Variants in PLEKHD1 observed in about 807,000 individuals in gnomAD.
The protein encoded by PLEKHD1 is pleckstrin homology domain-containing family D member 1.
Under a neutral mutation model 69.2 loss-of-function variants are expected in PLEKHD1, and 51 were observed. The ratio of observed to expected loss-of-function variants is 0.74; its 90% confidence interval spans 0.59 to 0.93. The LOEUF is 0.93. Ranked by LOEUF, PLEKHD1 falls within the 40% of genes least tolerant of loss-of-function variation. PLEKHD1 has a pLI of 0.00. For missense variants in PLEKHD1, 584 were observed against 641.0 expected (o/e 0.91, Z 0.96); for synonymous variants, 236 against 244.7 (o/e 0.96, Z 0.33).
At chr14:69,487,580 C>G (rs1281554939) in intron 1 of PLEKHD1, among the ~76,000 whole-genome samples, 1 of 152,240 alleles carries the variant, frequency 6.6e-6, no homozygotes, top group Admixed American at 6.5e-5. Flanking sequence ...CAGGGTCTGT[C>G]TTAGGACCTG....
In PLEKHD1 at chr14:69,506,891, C is replaced by CTTTTTTTTT. The variant is rs1162412450; in HGVS notation, c.555+4032_555+4040dup. On this transcript the variant is annotated intron_variant, in intron 6 of 12. Transcript: ENST00000322564. ...ACTGTCCTAAAAATCCTGGCAACTGCTTTTTTTTTTTTTTTTTTTTTTTTT... is the reference window on the plus strand; with the variant it reads ...ACTGTCCTAAAAATCCTGGCAACTGCTTTTTTTTTTTTTTTTTTTTTTTTTTTTTTTTTT... 2.6e-3 allele frequency among the ~76,000 whole-genome samples: 200 copies of CTTTTTTTTT among 78,064 alleles called. 25 individuals carry two copies. Among genetic ancestry groups the CTTTTTTTTT allele is most frequent in the African/African-American group, 0.01 (176 of 17,436 alleles). 51.2% of individuals were successfully genotyped at this position (78,064 alleles called of 152,430 possible). A position where few individuals can be genotyped will look rare whatever the true frequency, so the allele number is the denominator to read the frequency against.
chr14:69,516,860 G>A (rs1883395255), intron 6 of PLEKHD1, among the ~76,000 whole-genome samples: 1 of 152,296 alleles, frequency 6.6e-6, no homozygotes, highest in Non-Finnish European at 1.5e-5. Context: ...TTGTAGAGAT[G>A]GGGTTTCACC....
rs1042768558 is a variant in PLEKHD1, at chr14:69,527,854, T to C, written c.1273T>C (p.Tyr425His). The C allele has an allele frequency of 6.4e-7, 1 of 1,551,458 alleles. No individual in the cohort carries two copies. The highest frequency in any genetic ancestry group is 8.7e-7 in the Non-Finnish European group (1 of 1,147,000). The part of the protein sequence containing the change: ...KMPVIMKNSV[Y>H]IHKAATRRIK... ...GCCTGTGATCATGAAGAACTCCGTG[T>C]ACATCCATAAGGCAGCCACTCGCCG... is the stretch of plus-strand genomic sequence containing the variant. The change falls in exon 12 of 13, where the codon TAC (tyrosine) becomes CAC (histidine). Residue 425 changes from tyrosine to histidine, a missense_variant. Tyr to His is a moderately conservative substitution (Grantham distance 83). Transcript: ENST00000322564.
At chr14:69,519,693 T>C (rs756590565) in intron 6 of PLEKHD1, among the ~76,000 whole-genome samples, 1 of 152,222 alleles carries the variant, frequency 6.6e-6, no homozygotes, top group Non-Finnish European at 1.5e-5. Flanking sequence ...TGGGTTTTAA[T>C]CATTGACCCT....
intron 1 of PLEKHD1, among the ~76,000 whole-genome samples, chr14:69,497,235 A>C (rs1156859264): frequency 6.6e-6 from 1 of 152,252 alleles, no homozygotes; most frequent in African/African-American, 2.4e-5. Context: ...ACTAAGGCTC[A>C]GAAAGGAAAG....
In PLEKHD1 at chr14:69,501,082, G is replaced by A. The variant is rs1003921221; in HGVS notation, c.410+135G>A. On this transcript the variant is annotated intron_variant, in intron 4 of 12. Transcript: ENST00000322564. ...GCTGTGGGAGATGGCTAGGGTAGGG[G>A]AGAGCAGACAGGCCAGGTTTTAGAG... 8 of 918,466 alleles carry A rather than the reference G, an allele frequency of 8.7e-6. No homozygotes were observed. In the East Asian group the frequency reaches 1.9e-4, roughly 21 times the overall value. The allele number at this position is 918,466 out of a possible 1,614,324, so 56.9% of individuals were successfully genotyped here.
At chr14:69,496,492 C>T (rs545617710) in intron 1 of PLEKHD1, among the ~76,000 whole-genome samples, 13 of 152,092 alleles carry the variant, frequency 8.5e-5, no homozygotes, top group Non-Finnish European at 1.0e-4. Context: ...TGTCCCCACA[C>T]GGTGGAGGAA....
chr14:69,503,280 T>C (rs1883070831), intron 6 of PLEKHD1: 1 of 229,466 alleles, frequency 4.4e-6, no homozygotes, highest in African/African-American at 2.3e-5. Flanking sequence ...TCCTTCATTC[T>C]CTGAATGTCA....
At chr14:69,468,834 G>T in the PLEKHD1 span, among the ~76,000 whole-genome samples, 1 of 152,268 alleles carries the variant, frequency 6.6e-6, no homozygotes, top group South Asian at 2.1e-4. Context: ...TCCTGCCATG[G>T]CTTCCCAAAG....
At chr14:69,476,434 A>G in the PLEKHD1 span, among the ~76,000 whole-genome samples, 1 of 151,714 alleles carries the variant, frequency 6.6e-6, no homozygotes, top group Non-Finnish European at 1.5e-5. Context: ...ACGTTTTGGC[A>G]TGTACCTGTA....
intron 10 of PLEKHD1, 105 bp downstream of exon 10, chr14:69,526,934 G>A: frequency 7.1e-7 from 1 of 1,416,512 alleles, no homozygotes; most frequent in South Asian, 1.5e-5. Flanking sequence ...CTGTCAGTCT[G>A]ACCAGACAGC....
chr14:69,485,179 C>T, intron 1 of PLEKHD1, 65 bp downstream of exon 1: 1 of 1,495,592 alleles, frequency 6.7e-7, no homozygotes, highest in Non-Finnish European at 9.0e-7. Context: ...TTACCCCTCC[C>T]ACCCCCTCCA....
the PLEKHD1 span, among the ~76,000 whole-genome samples, chr14:69,471,311 A>G: frequency 6.6e-6 from 1 of 150,978 alleles, no homozygotes; most frequent in Non-Finnish European, 1.5e-5. Context: ...GGGTCTCCCT[A>G]TGTCGCCTAG....
upstream of PLEKHD1, among the ~76,000 whole-genome samples, chr14:69,479,987 T>A (rs182504943): frequency 1.3e-5 from 2 of 152,268 alleles, no homozygotes; most frequent in African/African-American, 2.4e-5. Context: ...ACAAACCGAT[T>A]CAGTAAGCAT....
In PLEKHD1 at chr14:69,484,790, C is replaced by T. The variant is rs935111827; in HGVS notation, c.-176C>T. ...GCCGCCGGCTACGCGCCCTGCGCCC[C>T]CTTGGTGCCGCGTCCAGTGCCCAGC... On this transcript the variant is annotated 5_prime_UTR_variant, in exon 1 of 13. Coordinates refer to ENST00000322564, the MANE Select transcript of PLEKHD1 (RefSeq NM_001161498.2). 2.3e-5 allele frequency: 16 copies of T among 689,188 alleles called. No homozygotes were observed. Among genetic ancestry groups the T allele is most frequent in the Non-Finnish European group, 3.7e-5 (16 of 437,038 alleles). The allele number at this position is 689,188 out of a possible 1,614,324, so 42.7% of individuals were successfully genotyped here.
chr14:69,527,265 G>C lies in PLEKHD1; in HGVS notation c.1134G>C (p.Gly378=). Residue 378 remains glycine, a synonymous_variant, in exon 11 of 13, where the codon GGG becomes GGC. Coordinates refer to ENST00000322564, the MANE Select transcript of PLEKHD1 (RefSeq NM_001161498.2). ...GGGCCTTGCGAAGCCTGGAACAGGG[G>C]CTGAATTCCAAGGTGCGGAATAAGG... ...AEGALRSLEQ[G]LNSKVRNKEK... is the part of the protein sequence containing the mutation. The C allele has an allele frequency of 2.6e-6, 4 of 1,551,834 alleles. No homozygotes were observed. The highest frequency in any genetic ancestry group is 2.4e-5 in the East Asian group (1 of 40,918).
Position 69,500,822 on chromosome 14 carries a change from C to T in PLEKHD1, c.334-49C>T, listed in dbSNP as rs1266066267. 3.2e-6 allele frequency: 5 copies of T among 1,548,012 alleles called. No individual in the cohort carries two copies. The South Asian group carries it at 4.8e-5, about 15-fold the overall frequency. On this transcript the variant is annotated intron_variant, in intron 3 of 12. Transcript: ENST00000322564. ...AGGGCAGAGCTGGGCCTCCATCACC[C>T]TCAGCGTGGCTGCCTCTCAGGCATG... is the stretch of plus-strand genomic sequence containing the variant.
chr14:69,468,073 A>G, the PLEKHD1 span, among the ~76,000 whole-genome samples: 1 of 152,238 alleles, frequency 6.6e-6, no homozygotes, highest in African/African-American at 2.4e-5. Context: ...GAATGTCAGT[A>G]GGCCAAGAAA....
Position 69,501,894 on chromosome 14 carries a change from G to A in PLEKHD1, c.502+69G>A, listed in dbSNP as rs570048574. ...ACCAGGGGCTATAGCCAGGGGCTTG[G>A]TAAAGGATGCAGCAGGGATGAGGGT... is the stretch of plus-strand genomic sequence containing the variant. On this transcript the variant is annotated intron_variant, in intron 5 of 12. Coordinates refer to ENST00000322564, the MANE Select transcript of PLEKHD1 (RefSeq NM_001161498.2). The A allele has an allele frequency of 6.4e-5, 87 of 1,364,818 alleles. No homozygotes were observed. In the African/African-American group the frequency reaches 1.1e-3, roughly 18 times the overall value. The allele number at this position is 1,364,818 out of a possible 1,614,324, so 84.5% of individuals were successfully genotyped here. A position where few individuals can be genotyped will look rare whatever the true frequency, so the allele number is the denominator to read the frequency against.
Sources: allele counts gnomAD v4.1 joint callset (sites outside exome capture counted in the v4.1 genomes callset), GRCh38; gene constraint gnomAD v4.1.1; transcripts MANE v1.5; gene names NCBI Gene and HGNC (gene_info 2026-07-23, HGNC 2026-07-21).